Variants in KIFC3 observed in about 807,000 individuals in gnomAD.
KIFC3 encodes the protein kinesin family member C3.
A neutral mutation model predicts 101.8 loss-of-function variants in KIFC3; 60 were observed. The ratio of observed to expected loss-of-function variants is 0.59; its 90% CI spans 0.48 to 0.73. The LOEUF (loss-of-function observed/expected upper bound fraction) is 0.73, where lower values mean the gene tolerates loss of function less well. Among genes scored for constraint, KIFC3 ranks in the 30% least tolerant of loss-of-function variants. KIFC3 has a pLI of 0.00. For missense variants in KIFC3, 966 were observed against 1,137.1 expected, an observed-to-expected ratio of 0.85 and a Z score of 2.16; for synonymous variants, 476 against 482.7, an observed-to-expected ratio of 0.99 and a Z score of 0.18.
intron 3 of KIFC3, among the ~76,000 whole-genome samples, chr16:57,777,691 C>T (rs1448076484): frequency 2.6e-5 from 4 of 151,216 alleles, no homozygotes; most frequent in Non-Finnish European, 5.9e-5. Context: ...ACTGCACTCC[C>T]GCCTGGGCAG....
chr16:57,781,210 G>A (rs1598043258), intron 3 of KIFC3, among the ~76,000 whole-genome samples: 1 of 152,290 alleles, frequency 6.6e-6, no homozygotes, highest in East Asian at 1.9e-4. Context: ...AGTTATTCAG[G>A]AGGCTTAGGT....
At chr16:57,811,059 G>T (rs2055059849) in intron 1 of KIFC3, among the ~76,000 whole-genome samples, 1 of 152,222 alleles carries the variant, frequency 6.6e-6, no homozygotes, top group South Asian at 2.1e-4. Flanking sequence ...GGAAGGGATG[G>T]TCCTCATTCT....
At chr16:57,855,328 T>C (rs1338204184) in intron 1 of KIFC3, among the ~76,000 whole-genome samples, 3 of 151,978 alleles carry the variant, frequency 2.0e-5, no homozygotes, top group African/African-American at 7.2e-5. Flanking sequence ...TTTCACCATA[T>C]TGGCCAGGCT....
chr16:57,857,240 G>A (rs889912310), intron 1 of KIFC3, among the ~76,000 whole-genome samples: 19 of 152,030 alleles, frequency 1.2e-4, no homozygotes, highest in African/African-American at 4.6e-4. Context: ...AAACGTGAAG[G>A]TCAGGAATCG....
intron 1 of KIFC3, among the ~76,000 whole-genome samples, chr16:57,852,253 T>C (rs2056074131): frequency 6.6e-6 from 1 of 152,162 alleles, no homozygotes; most frequent in African/African-American, 2.4e-5. Flanking sequence ...AGGACTTTGC[T>C]GCAGGGTGAT....
At chr16:57,860,043 A>AAAATAAAAT (rs2056264852) in intron 1 of KIFC3, among the ~76,000 whole-genome samples, 3 of 114,346 alleles carry the variant, frequency 2.6e-5, no homozygotes, top group African/African-American at 1.2e-4. Flanking sequence ...AAAATAAAAT[A>AAAATAAAAT]AAATAAAATA....
chr16:57,829,773 G>C (rs895175957), intron 1 of KIFC3, among the ~76,000 whole-genome samples: 2 of 152,128 alleles, frequency 1.3e-5, no homozygotes, highest in African/African-American at 2.4e-5. Flanking sequence ...CAGAGTTGAC[G>C]TCTGTCCTTG....
chr16:57,802,697 C>T (rs1052621379), upstream of KIFC3: 39 of 880,590 alleles, frequency 4.4e-5, no homozygotes, highest in Non-Finnish European at 6.3e-5. The surrounding 1 kb of genome is among the most constrained non-coding windows in gnomAD (Gnocchi z 5.0). Flanking sequence ...CACTCGGTCT[C>T]TCCCGCCTCC....
At chr16:57,837,571 A>AAGAAAGAAAGAAAGAAAG in intron 1 of KIFC3, among the ~76,000 whole-genome samples, 1 of 151,744 alleles carries the variant, frequency 6.6e-6, no homozygotes, top group Non-Finnish European at 1.5e-5. Flanking sequence ...GAAAGAAAGA[A>AAGAAAGAAAGAAAGAAAG]AGAAAGAAAG....
intron 1 of KIFC3, among the ~76,000 whole-genome samples, chr16:57,824,880 G>A (rs1555630540): frequency 1.3e-5 from 2 of 152,144 alleles, no homozygotes; most frequent in African/African-American, 2.4e-5. Flanking sequence ...CTGGCCTCAA[G>A]CGATCCTCCC....
At chr16:57,764,837 G>A (rs766641105) in intron 11 of KIFC3, among the ~76,000 whole-genome samples, 48 of 151,854 alleles carry the variant, frequency 3.2e-4, no homozygotes, top group Non-Finnish European at 6.8e-4. Flanking sequence ...GGGGGTGGGA[G>A]GGGCTGTGAT....
chr16:57,855,742 T>C (rs2056151373), intron 1 of KIFC3, among the ~76,000 whole-genome samples: 1 of 151,860 alleles, frequency 6.6e-6, no homozygotes, highest in Non-Finnish European at 1.5e-5. Flanking sequence ...GGTCAGGAGT[T>C]CGAGACCAGC....
chr16:57,847,540 A>C (rs777743443), intron 1 of KIFC3, among the ~76,000 whole-genome samples: 7 of 152,060 alleles, frequency 4.6e-5, no homozygotes, highest in Non-Finnish European at 1.0e-4. Flanking sequence ...TGTTCCATGG[A>C]TAGAAAAAGA....
At chr16:57,834,094 C>T (rs1555479894) in intron 1 of KIFC3, among the ~76,000 whole-genome samples, 4 of 152,140 alleles carry the variant, frequency 2.6e-5, no homozygotes, top group Non-Finnish European at 5.9e-5. Flanking sequence ...TACCTCCTGA[C>T]CTCATGATCT....
chr16:57,810,850 T>C, intron 1 of KIFC3: 1 of 239,438 alleles, frequency 4.2e-6, no homozygotes, highest in Non-Finnish European at 6.8e-6. Context: ...TATGGATGTG[T>C]AGGGGCTGCT....
At chr16:57,843,967 G>A (rs1161063260) in intron 1 of KIFC3, among the ~76,000 whole-genome samples, 1 of 151,962 alleles carries the variant, frequency 6.6e-6, no homozygotes, top group Admixed American at 6.6e-5. Flanking sequence ...AATTAGTTGG[G>A]CATGGTGGTG....
At chr16:57,786,960 C>T (rs931165943) in intron 3 of KIFC3, among the ~76,000 whole-genome samples, 15 of 152,226 alleles carry the variant, frequency 9.9e-5, no homozygotes, top group African/African-American at 3.6e-4. Context: ...TTCCCTCCTC[C>T]ACCCGAGCAC....
intron 1 of KIFC3, among the ~76,000 whole-genome samples, chr16:57,855,975 AAACT>A (rs1449637417): frequency 2.0e-5 from 3 of 151,558 alleles, no homozygotes; most frequent in Non-Finnish European, 2.9e-5. Flanking sequence ...AAACAAAAAC[AAACT>A]AACAATAACA....
At chr16:57,774,838 A>AAG in intron 3 of KIFC3, 1 of 1,323,016 alleles carries the variant, frequency 7.6e-7, no homozygotes, top group East Asian at 2.9e-5. Flanking sequence ...GTAATTTTTC[A>AAG]GTCTCAAAGA....
Sources: gnomAD v4.1 joint callset for allele counts (sites outside exome capture counted in the v4.1 genomes callset) on GRCh38, gnomAD v4.1.1 for gene constraint, Gnocchi (gnomAD v3.1) non-coding constraint, MANE v1.5 for transcripts, NCBI Gene and HGNC (gene_info 2026-07-23, HGNC 2026-07-21) for gene names.